The following TMEM94 variants were observed in gnomAD, a reference collection of about 807,000 sequenced individuals.
The protein encoded by TMEM94 is ER Mg2+ ATPase.
In TMEM94, 81 loss-of-function variants were observed where a neutral mutation model predicts 158.6. The observed-to-expected ratio is 0.51, with a 90% confidence interval of 0.43 to 0.61. The LOEUF (loss-of-function observed/expected upper bound fraction) is 0.61, where lower values mean the gene tolerates loss of function less well. Among genes scored for constraint, TMEM94 ranks in the 20% least tolerant of loss-of-function variants. TMEM94 has a pLI of 0.00. For missense variants in TMEM94, 1,435 were observed against 1,762.0 expected (o/e 0.81, Z 3.32); for synonymous variants, 751 against 730.7 (o/e 1.03, Z -0.45).
intron 2 of TMEM94, among the ~76,000 whole-genome samples, chr17:75,483,930 T>A (rs1357253599): frequency 6.6e-6 from 1 of 152,144 alleles, no homozygotes; most frequent in Non-Finnish European, 1.5e-5. Flanking sequence ...TCTGGAAACC[T>A]ACAGAGGTTG....
intron 2 of TMEM94, among the ~76,000 whole-genome samples, chr17:75,477,050 A>G (rs150018527): frequency 1.3e-5 from 2 of 152,314 alleles, no homozygotes; most frequent in African/African-American, 4.8e-5. Context: ...AGGTGACAGA[A>G]GCTCAGGGCC....
At chr17:75,476,205 T>C (rs1484831781) in intron 2 of TMEM94, among the ~76,000 whole-genome samples, 1 of 152,186 alleles carries the variant, frequency 6.6e-6, no homozygotes, top group Non-Finnish European at 1.5e-5. Flanking sequence ...AGGGTTCCCC[T>C]TGATACTGGC....
chr17:75,499,107 C>G, intron 31 of TMEM94, 25 bp downstream of exon 31: 1 of 1,574,896 alleles, frequency 6.3e-7, no homozygotes, highest in East Asian at 2.3e-5. Context: ...GGGCGCCTCC[C>G]TCTGGGCTCA....
At chr17:75,463,149 CACGT>C (rs2050167503) in intron 1 of TMEM94, among the ~76,000 whole-genome samples, 1 of 48,122 alleles carries the variant, frequency 2.1e-5, no homozygotes, top group Non-Finnish European at 3.4e-5. Context: ...TATATATATA[CACGT>C]ATATATATGT....
chr17:75,469,346 T>A (rs1288291656), intron 1 of TMEM94, among the ~76,000 whole-genome samples: 7 of 5,054 alleles, frequency 1.4e-3, no homozygotes, highest in East Asian at 7.2e-3. Context: ...TAACCCTAAA[T>A]TTTTTTTTTT....
intron 18 of TMEM94, among the ~76,000 whole-genome samples, 184 bp downstream of exon 18, chr17:75,494,100 C>T (rs1468302874): frequency 1.3e-5 from 2 of 152,208 alleles, no homozygotes; most frequent in African/African-American, 4.8e-5. Context: ...CCCTTAGTTT[C>T]CTCCCTTATC....
intron 24 of TMEM94, 111 bp downstream of exon 24, chr17:75,496,582 G>A (rs2052709263): frequency 6.4e-6 from 9 of 1,409,906 alleles, no homozygotes; most frequent in African/African-American, 5.6e-5. Context: ...CCAGCCCTCC[G>A]AGCGGGCTCT....
At position 75,495,510 on chromosome 17, in the gene TMEM94, A is replaced by G. The variant is rs764833677; in HGVS notation, c.2845-34A>G. ...GTGGAGGGGAGGGATGCTGATCCCC[A>G]TCCCGAAGCCGCTGGCATCTCTGCT... On this transcript the variant is annotated intron_variant, in intron 21 of 31. Transcript: ENST00000314256. The surrounding 1 kb of genome is among the most constrained non-coding windows in gnomAD (Gnocchi z 5.6). 1.2e-6 allele frequency: 2 copies of G among 1,609,100 alleles called. No homozygotes were observed. Among genetic ancestry groups the G allele is most frequent in the Middle Eastern group, 1.7e-4 (1 of 6,046 alleles).
Position 75,495,694 on chromosome 17 carries a change from C to T in TMEM94, c.2944+51C>T, listed in dbSNP as rs187212144. 6.4e-7 allele frequency: 1 copy of T among 1,563,436 alleles called. No individual in the cohort carries two copies. The highest frequency in any genetic ancestry group is 2.2e-5 in the East Asian group (1 of 44,632). On this transcript the variant is annotated intron_variant, in intron 22 of 31. Transcript: ENST00000314256. This position sits in a 1 kb window ranked among gnomAD's most constrained non-coding sequence, Gnocchi z 5.6. ...GGGCAACCTGGTCCCGTCGGCTGAG[C>T]TCTGCCTGGGCCTGCGTACCCCGTG... is the stretch of plus-strand genomic sequence containing the variant.
chr17:75,495,126 C>A lies in TMEM94; in HGVS notation c.2728+92C>A. On this transcript the variant is annotated intron_variant, in intron 20 of 31. Transcript: ENST00000314256. This position sits in a 1 kb window ranked among gnomAD's most constrained non-coding sequence, Gnocchi z 5.6. ...CCAGGAAGAGCCTCCGGAGAGCCCT[C>A]CAGTTAAGTACATTCCCTTGGGAAA... 6.5e-7 allele frequency: 1 copy of A among 1,528,724 alleles called. No homozygotes were observed. Among genetic ancestry groups the A allele is most frequent in the South Asian group, 1.2e-5 (1 of 81,560 alleles). 94.7% of individuals were successfully genotyped at this position (1,528,724 alleles called of 1,614,324 possible).
At position 75,488,687 on chromosome 17, in the gene TMEM94, A is replaced by C; in HGVS notation, c.613-72A>C. 1.9e-6 allele frequency: 3 copies of C among 1,563,686 alleles called. No individual in the cohort carries two copies. In the South Asian group the frequency reaches 3.5e-5, roughly 18 times the overall value. On this transcript the variant is annotated intron_variant, in intron 6 of 31. Transcript: ENST00000314256. Reference sequence around the variant, plus strand: ...CTAACCCCAGCGAATGTCTGTACTTAGATGAATTGTCCAGGAAGAGTGGCC... The same window carrying C: ...CTAACCCCAGCGAATGTCTGTACTTCGATGAATTGTCCAGGAAGAGTGGCC...
At chr17:75,497,728 T>C in intron 26 of TMEM94, 53 bp from the exon 27 acceptor site, 1 of 1,440,350 alleles carries the variant, frequency 6.9e-7, no homozygotes, top group Non-Finnish European at 9.8e-7. Context: ...CTATGAGAAT[T>C]GAGGGACAGA....
At chr17:75,458,771 C>T (rs1467928024) in intron 1 of TMEM94, among the ~76,000 whole-genome samples, 1 of 150,890 alleles carries the variant, frequency 6.6e-6, no homozygotes, top group African/African-American at 2.4e-5. Flanking sequence ...AAAATGTAGA[C>T]TATTGGCCGG....
intron 2 of TMEM94, among the ~76,000 whole-genome samples, chr17:75,478,523 T>C (rs1286383872): frequency 6.6e-6 from 1 of 152,064 alleles, no homozygotes; most frequent in Non-Finnish European, 1.5e-5. Flanking sequence ...CCTCCAGAGC[T>C]GGGCCTGCTC....
At chr17:75,476,893 T>A in intron 2 of TMEM94, 3 of 1,317,312 alleles carry the variant, frequency 2.3e-6, no homozygotes, top group Non-Finnish European at 2.0e-6. Context: ...AGCTGGGACC[T>A]GGGAAGGGGA....
In TMEM94 at chr17:75,492,115, T is replaced by C. The variant is rs2052255840; in HGVS notation, c.1596+215T>C. On this transcript the variant is annotated intron_variant, in intron 14 of 31. Transcript: ENST00000314256. This position sits in a 1 kb window ranked among gnomAD's most constrained non-coding sequence, Gnocchi z 4.4. ...TACCCTTCCATTCTTGTAATCGCAATCACTGGTGTCCCTACTGGAACCTTC... is the reference window on the plus strand; with the variant it reads ...TACCCTTCCATTCTTGTAATCGCAACCACTGGTGTCCCTACTGGAACCTTC... The C allele has an allele frequency of 2.5e-6, 2 of 785,902 alleles. No homozygotes were observed. The highest frequency in any genetic ancestry group is 2.9e-5 in the Admixed American group (1 of 34,148). 48.7% of individuals were successfully genotyped at this position (785,902 alleles called of 1,614,324 possible).
chr17:75,466,370 T>C (rs1281347098), intron 1 of TMEM94, among the ~76,000 whole-genome samples: 1 of 152,236 alleles, frequency 6.6e-6, no homozygotes, highest in Non-Finnish European at 1.5e-5. Flanking sequence ...TGTAGCTGTA[T>C]GTTAAATCTT....
In TMEM94 at chr17:75,490,368, G is replaced by C. The variant is rs201322380; in HGVS notation, c.1071+18G>C. ...GCTCCCTGGTAGGTTTTTCCAAGGT[G>C]TCTGGGGGAAGTCACAGGAACAAAA... is the stretch of plus-strand genomic sequence containing the variant. On this transcript the variant is annotated intron_variant, in intron 10 of 31. Transcript: ENST00000314256. The C allele has an allele frequency of 6.2e-7, 1 of 1,608,928 alleles. No individual in the cohort carries two copies. Among genetic ancestry groups the C allele is most frequent in the East Asian group, 2.2e-5 (1 of 44,820 alleles).
chr17:75,462,001 GTTTTGTTTTGTTTT>G (rs1409983439), intron 1 of TMEM94, among the ~76,000 whole-genome samples: 2 of 85,664 alleles, frequency 2.3e-5, no homozygotes, highest in Non-Finnish European at 4.1e-5. Flanking sequence ...TTTTTGTTTT[GTTTTGTTTTGTTTT>G]TTTTTTTTTT....
Sources: gnomAD v4.1 joint callset for allele counts (sites outside exome capture counted in the v4.1 genomes callset) on GRCh38, gnomAD v4.1.1 for gene constraint, Gnocchi (gnomAD v3.1) non-coding constraint, MANE v1.5 for transcripts, NCBI Gene and HGNC (gene_info 2026-07-23, HGNC 2026-07-21) for gene names.